The following MIA2 variants were observed in gnomAD, a reference collection of about 807,000 sequenced individuals.
MIA2 encodes melanoma inhibitory activity protein 2.
In MIA2, 127 loss-of-function variants were observed where a neutral mutation model predicts 167.8. The observed-to-expected ratio is 0.76, with a 90% confidence interval of 0.66 to 0.88. The LOEUF (loss-of-function observed/expected upper bound fraction) is 0.88, where lower values mean the gene tolerates loss of function less well. MIA2 is among the 40% of genes least tolerant of loss of function. The probability of loss-of-function intolerance (pLI) is 0.00; values close to 1 mark genes in which losing one functional copy is unlikely to be tolerated. For missense variants in MIA2, 1,690 were observed against 1,624.7 expected (o/e 1.04, Z -0.69); for synonymous variants, 552 against 541.9 (o/e 1.02, Z -0.26).
rs150483092 is a variant in MIA2 at position 39,345,576 on chromosome 14, T to C, written c.3656-328T>C. On this transcript the variant is annotated intron_variant, in intron 25 of 28. Transcript: ENST00000640607. ...TGTTTCCTGGGTCTTTTTTGATACATTGATGTATTTACTTCCATCCATTAT... is the reference window on the plus strand; with the variant it reads ...TGTTTCCTGGGTCTTTTTTGATACACTGATGTATTTACTTCCATCCATTAT... Among the ~76,000 whole-genome samples the C allele has an allele frequency of 3.6e-4, 55 of 152,314 alleles. No homozygotes were observed. The East Asian group carries it at 5.6e-3, about 15-fold the overall frequency.
At chr14:39,269,569 G>C (rs1194486831) in intron 6 of MIA2, among the ~76,000 whole-genome samples, 5 of 151,740 alleles carry the variant, frequency 3.3e-5, no homozygotes, top group East Asian at 3.9e-4. Context: ...ACCCAGGGGG[G>C]AGTGCAGTGG....
At chr14:39,327,227 G>A (rs1485367970) in intron 25 of MIA2, among the ~76,000 whole-genome samples, 1 of 152,142 alleles carries the variant, frequency 6.6e-6, no homozygotes, top group East Asian at 1.9e-4. Context: ...TCCCTAAATG[G>A]AATGTTTTTA....
At chr14:39,344,318 T>A (rs1360780252) in intron 25 of MIA2, among the ~76,000 whole-genome samples, 1 of 152,230 alleles carries the variant, frequency 6.6e-6, no homozygotes, top group Non-Finnish European at 1.5e-5. Flanking sequence ...TATCCCCTTG[T>A]CCAACTCCAC....
intron 25 of MIA2, among the ~76,000 whole-genome samples, chr14:39,328,639 TG>T (rs1395604215): frequency 6.6e-6 from 1 of 152,222 alleles, no homozygotes; most frequent in African/African-American, 2.4e-5. Context: ...AGTTGATTTT[TG>T]TATAAGGTGC....
At chr14:39,261,934 G>A (rs952427535) in intron 6 of MIA2, among the ~76,000 whole-genome samples, 1 of 152,130 alleles carries the variant, frequency 6.6e-6, no homozygotes, top group African/African-American at 2.4e-5. Flanking sequence ...GTCCCATTCT[G>A]TAGGTTGCCT....
chr14:39,341,324 G>GAATA lies in MIA2; in HGVS notation c.3656-4564_3656-4561dup, dbSNP rs932525842. On this transcript the variant is annotated intron_variant, in intron 25 of 28. Transcript: ENST00000640607. ...CTCAAAAATAAATAAATAAATAAAT[G>GAATA]AATAAATAAATAAATAAATGATGGA... Among the ~76,000 whole-genome samples, 5 of 151,578 alleles carry GAATA rather than the reference G, an allele frequency of 3.3e-5. No homozygotes were observed. The East Asian group carries it at 7.7e-4, about 23-fold the overall frequency.
downstream of MIA2, among the ~76,000 whole-genome samples, chr14:39,353,147 TG>T (rs1156947274): frequency 7.9e-5 from 12 of 152,310 alleles, no homozygotes; most frequent in Admixed American, 2.0e-4. Context: ...TCAGGGTATT[TG>T]GGGGTATCCA....
At chr14:39,276,666 T>C in intron 6 of MIA2, 1 of 341,390 alleles carries the variant, frequency 2.9e-6, no homozygotes, top group South Asian at 3.3e-5. Context: ...TCAGTTTCTT[T>C]CTTTGGCCTT....
chr14:39,385,640 A>G (rs921045314), intron 23 of MIA2: 1 of 846,982 alleles, frequency 1.2e-6, no homozygotes, highest in Non-Finnish European at 2.1e-6. Context: ...ATTCTTCTGG[A>G]TGTTAGTTCT....
chr14:39,352,072 A>G (rs540098622), downstream of MIA2, among the ~76,000 whole-genome samples: 1 of 152,106 alleles, frequency 6.6e-6, no homozygotes, highest in East Asian at 1.9e-4. Context: ...TTTGCTTTAT[A>G]CTTAGGCCAG....
intron 13 of MIA2, among the ~76,000 whole-genome samples, chr14:39,299,311 T>TTTTC (rs1227807488): frequency 1.5e-5 from 2 of 131,380 alleles, no homozygotes; most frequent in East Asian, 2.1e-4. Flanking sequence ...ATTTCTTTTT[T>TTTTC]TTTTTTTTTT....
chr14:39,271,030 C>G (rs541006538), intron 6 of MIA2, among the ~76,000 whole-genome samples: 3 of 152,174 alleles, frequency 2.0e-5, no homozygotes, highest in African/African-American at 7.2e-5. Context: ...GCTAAGAAAC[C>G]GTTGCTTAAG....
intron 25 of MIA2, among the ~76,000 whole-genome samples, chr14:39,343,667 A>G (rs2072552664): frequency 6.6e-6 from 1 of 152,084 alleles, no homozygotes; most frequent in African/African-American, 2.4e-5. Context: ...GAATACTATT[A>G]TAGAAAACAA....
intron 6 of MIA2, chr14:39,269,170 T>C (rs2152693869): frequency 1.7e-6 from 1 of 585,404 alleles, no homozygotes; most frequent in Non-Finnish European, 2.1e-6. Flanking sequence ...TTTTTTTTTA[T>C]TTTTAAAAAT....
At chr14:39,265,149 A>G in intron 6 of MIA2, 1 of 376,112 alleles carries the variant, frequency 2.7e-6, no homozygotes, top group Non-Finnish European at 4.5e-6. Context: ...GTGCATATGT[A>G]TGTGTGTGAG....
At chr14:39,324,504 A>G (rs918404049) in intron 24 of MIA2, among the ~76,000 whole-genome samples, 1 of 152,224 alleles carries the variant, frequency 6.6e-6, no homozygotes, top group Admixed American at 6.5e-5. Context: ...TTAAATGTGA[A>G]TGCTTATGCT....
chr14:39,235,755 G>C (rs996574800), intron 1 of MIA2, among the ~76,000 whole-genome samples: 2 of 151,856 alleles, frequency 1.3e-5, no homozygotes, highest in African/African-American at 2.4e-5. Flanking sequence ...TGTAGCCTGG[G>C]CAACAGAACA....
At chr14:39,388,515 G>A (rs528769333), downstream of MIA2, 76 of 166,066 alleles carry the variant, frequency 4.6e-4, no homozygotes, top group Non-Finnish European at 8.8e-4. This position sits in a 1 kb window ranked among gnomAD's most constrained non-coding sequence, Gnocchi z 4.1. Context: ...AGAGTCTTCT[G>A]TGTGCTAGTG....
rs35159773 is a variant in MIA2, at chr14:39,286,696, C to CTTTTTTTTTTTTTTTTTTTTTT, written c.2131-4308_2131-4307insTTTTTTTTTTTTTTTTTTTTTT. Among the ~76,000 whole-genome samples, 4 of 142,690 alleles carry CTTTTTTTTTTTTTTTTTTTTTT rather than the reference C, an allele frequency of 2.8e-5. 2 individuals carry two copies. The highest frequency in any genetic ancestry group is 1.4e-4 in the Admixed American group (2 of 14,250). The allele number at this position is 142,690 out of a possible 152,430, so 93.6% of individuals were successfully genotyped here. A position where few individuals can be genotyped will look rare whatever the true frequency, so the allele number is the denominator to read the frequency against. ...TTATCCTTCTCTTCCTTCCTTCTTA[C>CTTTTTTTTTTTTTTTTTTTTTT]TTTTTTTTTTTTTTTGAGACAGGCT... On this transcript the variant is annotated intron_variant, in intron 9 of 28. Coordinates refer to ENST00000640607, the MANE Select transcript of MIA2 (RefSeq NM_001329214.4).
Sources: gnomAD v4.1 joint callset for allele counts (sites outside exome capture counted in the v4.1 genomes callset) on GRCh38, gnomAD v4.1.1 for gene constraint, Gnocchi (gnomAD v3.1) non-coding constraint, MANE v1.5 for transcripts, NCBI Gene and HGNC (gene_info 2026-07-23, HGNC 2026-07-21) for gene names.